The following VPS13A variants were observed in gnomAD, a reference collection of about 807,000 sequenced individuals.
VPS13A encodes the protein intermembrane lipid transfer protein VPS13A.
VPS13A carries 264 observed loss-of-function variants against 390.9 expected under a neutral mutation model. The observed-to-expected ratio is 0.68, with a 90% CI of 0.61 to 0.75. VPS13A has a LOEUF of 0.75. Among genes scored for constraint, VPS13A ranks in the 30% least tolerant of loss-of-function variants. The pLI is 0.00. For synonymous variants in VPS13A, 1,231 were observed against 1,227.1 expected (o/e 1.00, Z -0.07); for missense variants, 3,409 against 3,733.9 (o/e 0.91, Z 2.27).
chr9:77,326,219 A>G (rs1340057097), intron 45 of VPS13A, among the ~76,000 whole-genome samples: 2 of 152,102 alleles, frequency 1.3e-5, no homozygotes, highest in Non-Finnish European at 2.9e-5. Context: ...CAATTTGGTT[A>G]TGATGAATCT....
intron 9 of VPS13A, among the ~76,000 whole-genome samples, 181 bp downstream of exon 9, chr9:77,213,495 A>G (rs1278590543): frequency 2.1e-5 from 3 of 144,226 alleles, no homozygotes; most frequent in African/African-American, 7.9e-5. Context: ...ATACCCCCAT[A>G]TCTTTTTTTT....
chr9:77,251,967 A>C (rs1825169084), intron 21 of VPS13A, among the ~76,000 whole-genome samples: 1 of 152,012 alleles, frequency 6.6e-6, no homozygotes, highest in Non-Finnish European at 1.5e-5. Context: ...CTGTTAAAGA[A>C]CCTCACTTTT....
chr9:77,273,229 C>A, intron 23 of VPS13A, 51 bp from the exon 24 acceptor site: 1 of 1,366,062 alleles, frequency 7.3e-7, no homozygotes, highest in Non-Finnish European at 1.0e-6. Flanking sequence ...TTTGAATAAG[C>A]GGTGAATAAA....
chr9:77,291,370 C>T (rs1393156884), intron 31 of VPS13A, among the ~76,000 whole-genome samples: 1 of 152,136 alleles, frequency 6.6e-6, no homozygotes, highest in Non-Finnish European at 1.5e-5. Flanking sequence ...ACCAAAAAGG[C>T]TGGGGACCAC....
rs142329129 is a variant in VPS13A at position 77,184,685 on chromosome 9, C to T, written c.100+6881C>T. 5.1e-3 allele frequency among the ~76,000 whole-genome samples: 774 copies of T among 150,634 alleles called. 9 individuals carry two copies. The highest frequency in any genetic ancestry group is 0.018 in the African/African-American group (748 of 40,980). ...TTTTTTCTGCATCTATTACTATTAT[C>T]ACAGGATTTTTTTCTTTTTTAATCT... On this transcript the variant is annotated intron_variant, in intron 1 of 71. Transcript: ENST00000360280.
In VPS13A at chr9:77,238,176, A is replaced by G; in HGVS notation, c.1770A>G (p.Glu590=). The change falls in exon 18 of 72, where the codon GAA becomes GAG. Residue 590 remains glutamate (E), a synonymous_variant. Coordinates refer to ENST00000360280, the MANE Select transcript of VPS13A (RefSeq NM_033305.3). ...GTATCATAGAAGCTGAACCTTTAGAAATCATATATGATGCAGTAAGCATTT... is the reference window on the plus strand; with the variant it reads ...GTATCATAGAAGCTGAACCTTTAGAGATCATATATGATGCAGTAAGCATTT... ...QRCIIEAEPL[E]IIYDARTVNS... The G allele has an allele frequency of 6.2e-7, 1 of 1,613,428 alleles. No homozygotes were observed. The highest frequency in any genetic ancestry group is 8.5e-7 in the Non-Finnish European group (1 of 1,179,550).
intron 46 of VPS13A, among the ~76,000 whole-genome samples, chr9:77,332,665 A>G (rs76844020): frequency 0.012 from 1,859 of 152,242 alleles, 38 homozygotes; most frequent in African/African-American, 0.042. Context: ...AGCTAGTCTT[A>G]TAGATTTTAT....
At position 77,276,099 on chromosome 9, in the gene VPS13A, G is replaced by A. The variant is rs768913916; in HGVS notation, c.2702G>A (p.Cys901Tyr). The stretch of plus-strand genomic sequence containing the variant: ...GAGTTTTATCACCTTGTTGGAGATT[G>A]TGAACTATCTGTGGTAGAAATTCTT... ...LIEFYHLVGD[C>Y]ELSVVEILVL... The change falls in exon 26 of 72, where the codon TGT (cysteine) becomes TAT (tyrosine). Residue 901 changes from cysteine to tyrosine, a missense_variant. Cys to Tyr is a radical substitution (Grantham distance 194). Coordinates refer to ENST00000360280, the MANE Select transcript of VPS13A (RefSeq NM_033305.3). 2 of 1,612,928 alleles carry A rather than the reference G, an allele frequency of 1.2e-6. No individual in the cohort carries two copies. The highest frequency in any genetic ancestry group is 1.3e-5 in the African/African-American group (1 of 74,840).
At chr9:77,366,949 A>G in intron 61 of VPS13A, 77 bp downstream of exon 61, 1 of 1,490,372 alleles carries the variant, frequency 6.7e-7, no homozygotes, top group Non-Finnish European at 9.2e-7. Context: ...CGTAAATGAA[A>G]AAGTGTGTGA....
chr9:77,290,239 G>T (rs1321046141), intron 31 of VPS13A, among the ~76,000 whole-genome samples: 1 of 152,108 alleles, frequency 6.6e-6, no homozygotes, highest in African/African-American at 2.4e-5. Flanking sequence ...ACTGTTAAAA[G>T]ATGTGATTTC....
At chr9:77,223,255 C>T (rs767830714) in intron 13 of VPS13A, among the ~76,000 whole-genome samples, 1 of 152,116 alleles carries the variant, frequency 6.6e-6, no homozygotes, top group Non-Finnish European at 1.5e-5. Flanking sequence ...CTTGGGCCTC[C>T]TTATTCCATG....
At chr9:77,384,201 T>C (rs1161243529) in intron 68 of VPS13A, among the ~76,000 whole-genome samples, 1 of 151,840 alleles carries the variant, frequency 6.6e-6, no homozygotes, top group Non-Finnish European at 1.5e-5. Flanking sequence ...CTAAATTATA[T>C]ACACTCATAT....
At chr9:77,188,870 G>A (rs752073508) in intron 1 of VPS13A, among the ~76,000 whole-genome samples, 24 of 151,980 alleles carry the variant, frequency 1.6e-4, no homozygotes, top group Non-Finnish European at 3.1e-4. Flanking sequence ...AATGATTAGT[G>A]ATGTTGAGTT....
chr9:77,354,446 CTTTAGACCTATTATA>C (rs1334260179), intron 54 of VPS13A, among the ~76,000 whole-genome samples: 1 of 151,768 alleles, frequency 6.6e-6, no homozygotes, highest in Non-Finnish European at 1.5e-5. Context: ...TTTTTAAGAC[CTTTAGACCTATTATA>C]TGTTATCTTC....
At chr9:77,275,914 T>A in intron 25 of VPS13A, 151 bp from the exon 26 acceptor site, 1 of 848,320 alleles carries the variant, frequency 1.2e-6, no homozygotes, top group East Asian at 2.7e-5. Flanking sequence ...GTGTGTGTAT[T>A]GTATGTCTGT....
At chr9:77,321,055 C>T in intron 42 of VPS13A, 114 bp from the exon 43 acceptor site, 1 of 987,348 alleles carries the variant, frequency 1.0e-6, no homozygotes, top group Non-Finnish European at 1.5e-6. Context: ...ATAGAACTTA[C>T]TGAAATTAGA....
chr9:77,322,657 T>TC, intron 44 of VPS13A, among the ~76,000 whole-genome samples: 1 of 152,088 alleles, frequency 6.6e-6, no homozygotes, highest in South Asian at 2.1e-4. Context: ...TTTAATCAAG[T>TC]CCAAGATATA....
chr9:77,391,186 C>T (rs1423010513), intron 68 of VPS13A, among the ~76,000 whole-genome samples: 1 of 152,110 alleles, frequency 6.6e-6, no homozygotes, highest in Non-Finnish European at 1.5e-5. Context: ...AGAGCTCTAC[C>T]TAGTAACTTT....
At chr9:77,274,462 A>G (rs1239036151) in intron 24 of VPS13A, among the ~76,000 whole-genome samples, 1 of 151,854 alleles carries the variant, frequency 6.6e-6, no homozygotes, top group Non-Finnish European at 1.5e-5. Flanking sequence ...GGGACCACTA[A>G]TAAGTTAATT....
Sources: allele counts gnomAD v4.1 joint callset (sites outside exome capture counted in the v4.1 genomes callset), GRCh38; gene constraint gnomAD v4.1.1; transcripts MANE v1.5; gene names NCBI Gene and HGNC (gene_info 2026-07-23, HGNC 2026-07-21).